SPG11: variants seen among roughly 807,000 people sequenced by gnomAD.
SPG11 encodes spatacsin.
SPG11 carries 222 observed loss-of-function variants against 274.0 expected under a neutral mutation model. The ratio of observed to expected loss-of-function variants is 0.81; its 90% CI spans 0.73 to 0.91. The LOEUF (loss-of-function observed/expected upper bound fraction) is 0.91, where lower values mean the gene tolerates loss of function less well. Among genes scored for constraint, SPG11 ranks in the 40% least tolerant of loss-of-function variants. SPG11 has a pLI of 0.00. For synonymous variants in SPG11, 1,144 were observed against 1,039.7 expected (o/e 1.10, Z -1.93); for missense variants, 3,114 against 2,872.7 (o/e 1.08, Z -1.92).
At chr15:44,642,379 G>GA (rs988586544) in intron 7 of SPG11, among the ~76,000 whole-genome samples, 50 of 89,046 alleles carry the variant, frequency 5.6e-4, no homozygotes, top group Admixed American at 6.6e-4. Context: ...AAAAAAAAAA[G>GA]AAAAAAAAAA....
At chr15:44,605,935 C>T in intron 20 of SPG11, 90 bp downstream of exon 20, 1 of 1,126,676 alleles carries the variant, frequency 8.9e-7, no homozygotes, top group Non-Finnish European at 1.3e-6. Flanking sequence ...AAATAAAAAT[C>T]AATGAGAAAA....
In SPG11 at chr15:44,659,318, G is replaced by A. The variant is rs1412237162; in HGVS notation, c.443-15C>T. ...TAAGGAAATACCTACAAAACAAAAG[G>A]ATATTATTTCAAACTCATTGGTCAC... On this transcript the variant is annotated splice_polypyrimidine_tract_variant and intron_variant, in intron 2 of 39. Transcript: ENST00000261866. The A allele has an allele frequency of 3.8e-6, 6 of 1,597,380 alleles. No homozygotes were observed. In the South Asian group the frequency reaches 6.6e-5, roughly 18 times the overall value.
intron 10 of SPG11, among the ~76,000 whole-genome samples, chr15:44,627,505 T>C (rs1247929537): frequency 1.3e-5 from 2 of 151,940 alleles, no homozygotes; most frequent in African/African-American, 4.8e-5. Flanking sequence ...GACAGAGCCT[T>C]GCAGAACATT....
chr15:44,660,282 T>C lies in SPG11; in HGVS notation c.442+150A>G, dbSNP rs1415798901. 4.6e-6 allele frequency: 3 copies of C among 646,202 alleles called. No homozygotes were observed. In the East Asian group the frequency reaches 8.0e-5, roughly 17 times the overall value. 40.0% of individuals were successfully genotyped at this position (646,202 alleles called of 1,614,324 possible). On this transcript the variant is annotated intron_variant, in intron 2 of 39. Transcript: ENST00000261866. The stretch of plus-strand genomic sequence containing the variant: ...TACATCTTAATTCATATTAACCATA[T>C]TTCAAGTGCTCAATAGCCCCATCTG...
At chr15:44,613,637 T>G in intron 16 of SPG11, 101 bp from the exon 17 acceptor site, 1 of 745,688 alleles carries the variant, frequency 1.3e-6, no homozygotes, top group Non-Finnish European at 2.3e-6. Flanking sequence ...AAAAAGAATC[T>G]TGGAATTAAA....
intron 27 of SPG11, chr15:44,590,760 C>CACGT (rs2082881504): frequency 6.6e-6 from 1 of 152,142 alleles, no homozygotes; most frequent in South Asian, 2.1e-4. Flanking sequence ...GGTTTCAAAA[C>CACGT]ACGTATATGT....
intron 7 of SPG11, among the ~76,000 whole-genome samples, chr15:44,634,459 T>C (rs2084178348): frequency 6.7e-6 from 1 of 150,126 alleles, no homozygotes; most frequent in African/African-American, 2.5e-5. Context: ...TTTTTTTTTG[T>C]ATTTTTAATA....
At chr15:44,636,174 T>C (rs1416611848) in intron 7 of SPG11, among the ~76,000 whole-genome samples, 7 of 151,978 alleles carry the variant, frequency 4.6e-5, no homozygotes, top group African/African-American at 1.4e-4. Context: ...TGAGACATAT[T>C]GGTGGGAGTT....
chr15:44,574,293 C>G (rs1287119723), intron 31 of SPG11, among the ~76,000 whole-genome samples: 2 of 152,248 alleles, frequency 1.3e-5, no homozygotes, highest in African/African-American at 4.8e-5. Flanking sequence ...CATGAGCCAC[C>G]ATGCCCAGCC....
At chr15:44,598,190 C>A in intron 23 of SPG11, 75 bp downstream of exon 23, 7 of 1,099,180 alleles carry the variant, frequency 6.4e-6, no homozygotes, top group South Asian at 5.0e-5. Flanking sequence ...CAGAGTTGTT[C>A]AAAGAAAAAC....
At position 44,584,337 on chromosome 15, in the gene SPG11, G is replaced by A; in HGVS notation, c.5343C>T (p.His1781=). ...ERHLLLTLAG[H]WLAQEDVVPL... is the part of the protein sequence containing the mutation. Reference sequence around the variant, plus strand: ...GCACCACGTCCTCCTGGGCAAGCCAGTGCCCTGCCAAGGTGAGCAGCAGAT... The same window carrying A: ...GCACCACGTCCTCCTGGGCAAGCCAATGCCCTGCCAAGGTGAGCAGCAGAT... Residue 1781 remains histidine (H), a synonymous_variant, in exon 30 of 40, where the codon CAC becomes CAT. Coordinates refer to ENST00000261866, the MANE Select transcript of SPG11 (RefSeq NM_025137.4). 3.1e-6 allele frequency: 5 copies of A among 1,611,178 alleles called. No individual in the cohort carries two copies. Among genetic ancestry groups the A allele is most frequent in the Non-Finnish European group, 4.2e-6 (5 of 1,178,046 alleles).
intron 4 of SPG11, among the ~76,000 whole-genome samples, chr15:44,654,609 G>T (rs748330725): frequency 5.3e-5 from 8 of 152,198 alleles, no homozygotes; most frequent in Non-Finnish European, 8.8e-5. Flanking sequence ...GGAGGCCAAG[G>T]TGGGCGGATC....
chr15:44,613,018 C>T (rs573548680), intron 17 of SPG11, among the ~76,000 whole-genome samples: 3 of 152,264 alleles, frequency 2.0e-5, no homozygotes, highest in East Asian at 3.9e-4. Flanking sequence ...AACAATCTCA[C>T]ACATACTATG....
chr15:44,609,148 T>G (rs1340788608), intron 18 of SPG11, among the ~76,000 whole-genome samples: 2 of 152,140 alleles, frequency 1.3e-5, no homozygotes, highest in East Asian at 3.8e-4. Context: ...CTTTTTTTTT[T>G]GAGACGGAGT....
chr15:44,592,568 C>A, intron 26 of SPG11, 130 bp from the exon 27 acceptor site: 1 of 691,242 alleles, frequency 1.4e-6, no homozygotes, highest in Non-Finnish European at 2.6e-6. Context: ...CCTGTAATGC[C>A]AGCACTTTGG....
chr15:44,613,578 A>G (rs184091208), intron 16 of SPG11, 42 bp from the exon 17 acceptor site: 2 of 1,286,056 alleles, frequency 1.6e-6, no homozygotes, highest in East Asian at 4.7e-5. Flanking sequence ...ATTAACATAC[A>G]GGATAAGACA....
intron 31 of SPG11, 54 bp downstream of exon 31, chr15:44,574,848 A>G: frequency 6.2e-7 from 1 of 1,610,326 alleles, no homozygotes. Flanking sequence ...ATCAACCTCA[A>G]ACTTCTCATT....
Position 44,574,968 on chromosome 15 carries a change from C to G in SPG11, c.5940G>C (p.Leu1980=). 6.2e-7 allele frequency: 1 copy of G among 1,614,128 alleles called. No individual in the cohort carries two copies. Among genetic ancestry groups the G allele is most frequent in the African/African-American group, 1.3e-5 (1 of 75,044 alleles). ...TCTTCCCATGGAGGCATTTGCTTGT[C>G]AGCACTTCCAGGTTAGTTACCACTT... ...SNEVVTNLEV[L]TSKCLHGKNY... The change falls in exon 31 of 40, where the codon CTG becomes CTC. Residue 1980 remains leucine, a synonymous_variant. Transcript: ENST00000261866.
Position 44,648,869 on chromosome 15 carries a change from T to C in SPG11, c.1599A>G (p.Leu533=), listed in dbSNP as rs2141098634. ...WGRCSIPIHA[L]EAGIENRQLD... The stretch of plus-strand genomic sequence containing the variant: ...CTTGGGCATTTAATTCTGTTACCTC[T>C]AGTGCATGTATGGGAATTGAGCACC... Residue 533 remains leucine, a synonymous_variant, in exon 7 of 40, where the codon CTA becomes CTG. Coordinates refer to ENST00000261866, the MANE Select transcript of SPG11 (RefSeq NM_025137.4). The C allele has an allele frequency of 1.9e-6, 3 of 1,614,062 alleles. No homozygotes were observed. The highest frequency in any genetic ancestry group is 2.5e-6 in the Non-Finnish European group (3 of 1,179,944).
Sources: allele counts gnomAD v4.1 joint callset (sites outside exome capture counted in the v4.1 genomes callset), GRCh38; gene constraint gnomAD v4.1.1; transcripts MANE v1.5; gene names NCBI Gene and HGNC (gene_info 2026-07-23, HGNC 2026-07-21).